Variants in GPHN observed in about 807,000 individuals in gnomAD.
GPHN encodes the protein gephyrin.
Under a neutral mutation model 95.5 loss-of-function variants are expected in GPHN, and 17 were observed. The ratio of observed to expected loss-of-function variants is 0.18; its 90% CI spans 0.12 to 0.27. The LOEUF (loss-of-function observed/expected upper bound fraction) is 0.27. Ranked by LOEUF, GPHN falls within the 10% of genes least tolerant of loss-of-function variation. The probability of loss-of-function intolerance (pLI) is 1.00; values close to 1 mark genes in which losing one functional copy is unlikely to be tolerated. For synonymous variants in GPHN, 320 were observed against 322.5 expected, an observed-to-expected ratio of 0.99 and a Z score of 0.08; for missense variants, 660 against 978.1, an observed-to-expected ratio of 0.67 and a Z score of 4.34.
At chr14:67,584,473 A>C in the GPHN span, among the ~76,000 whole-genome samples, 2 of 152,246 alleles carry the variant, frequency 1.3e-5, no homozygotes, top group African/African-American at 4.8e-5. Context: ...CTGGTTTGAC[A>C]TGGCATACAG....
chr14:67,090,526 C>G (rs1361083593), intron 12 of GPHN, among the ~76,000 whole-genome samples: 4 of 151,968 alleles, frequency 2.6e-5, no homozygotes, highest in Admixed American at 1.3e-4. Flanking sequence ...AGACTTGGGT[C>G]CCATCCACAA....
At chr14:67,691,186 C>G in the GPHN span, 1 of 1,614,062 alleles carries the variant, frequency 6.2e-7, no homozygotes, top group Non-Finnish European at 8.5e-7. Context: ...CTGCTGTCTT[C>G]GAGTACGGAC....
At chr14:67,286,294 T>C in the GPHN span, among the ~76,000 whole-genome samples, 2 of 152,194 alleles carry the variant, frequency 1.3e-5, no homozygotes, top group African/African-American at 4.8e-5. Flanking sequence ...TCTGTCCATG[T>C]GGTTCCTTCT....
At chr14:66,953,157 C>A (rs2068226359) in intron 8 of GPHN, among the ~76,000 whole-genome samples, 1 of 146,184 alleles carries the variant, frequency 6.8e-6, no homozygotes, top group African/African-American at 2.7e-5. Context: ...CACCTTTTGC[C>A]CATTTTCAAG....
At chr14:66,961,939 TATATATATAC>T (rs1279114357) in intron 8 of GPHN, among the ~76,000 whole-genome samples, 44 of 79,404 alleles carry the variant, frequency 5.5e-4, no homozygotes, top group African/African-American at 3.4e-3. Flanking sequence ...TATATATATA[TATATATATAC>T]ACATATCTCC....
chr14:66,686,016 T>C lies in GPHN; in HGVS notation c.143+4831T>C, dbSNP rs554104867. Reference sequence around the variant, plus strand: ...TATTAAATAGGGAATCCTTTCCCCATTGCTTGTTTTTGTCAGGTTTGTCAA... The same window carrying C: ...TATTAAATAGGGAATCCTTTCCCCACTGCTTGTTTTTGTCAGGTTTGTCAA... On this transcript the variant is annotated intron_variant, in intron 2 of 22. Transcript: ENST00000478722. Among the ~76,000 whole-genome samples the C allele has an allele frequency of 8.5e-5, 13 of 152,358 alleles. No homozygotes were observed. The South Asian group carries it at 2.5e-3, about 29-fold the overall frequency.
At chr14:67,095,542 A>G (rs894267407) in intron 12 of GPHN, among the ~76,000 whole-genome samples, 1 of 152,224 alleles carries the variant, frequency 6.6e-6, no homozygotes, top group Admixed American at 6.5e-5. Flanking sequence ...ATGTCCAACA[A>G]TGATAGACTG....
chr14:67,337,902 C>A, the GPHN span: 2 of 152,292 alleles, frequency 1.3e-5, no homozygotes, highest in African/African-American at 4.8e-5. Context: ...ATTAGTACCC[C>A]AAAATGCAAC....
At chr14:67,458,231 C>T in the GPHN span, among the ~76,000 whole-genome samples, 1 of 152,170 alleles carries the variant, frequency 6.6e-6, no homozygotes, top group African/African-American at 2.4e-5. Context: ...TGAGACTGCC[C>T]TATGGAAGAT....
the GPHN span, among the ~76,000 whole-genome samples, chr14:67,263,754 A>G: frequency 6.6e-6 from 1 of 152,228 alleles, no homozygotes; most frequent in African/African-American, 2.4e-5. Flanking sequence ...GTGAGAAGAT[A>G]TATAGGAAAC....
intron 1 of GPHN, among the ~76,000 whole-genome samples, chr14:66,621,811 G>A (rs1169786241): frequency 6.6e-6 from 1 of 152,072 alleles, no homozygotes; most frequent in African/African-American, 2.4e-5. Flanking sequence ...GGTTCTCATG[G>A]TCTGGGCAGC....
the GPHN span, among the ~76,000 whole-genome samples, chr14:67,732,567 A>G: frequency 2.6e-5 from 4 of 151,442 alleles, no homozygotes; most frequent in African/African-American, 9.7e-5. Context: ...ACAGAAAGCA[A>G]CTAAATGATA....
At chr14:67,402,066 G>A in the GPHN span, among the ~76,000 whole-genome samples, 1 of 152,174 alleles carries the variant, frequency 6.6e-6, no homozygotes, top group Non-Finnish European at 1.5e-5. Context: ...AGGAGGCGGA[G>A]TTTGCAGTGA....
chr14:67,649,339 T>G, the GPHN span: 3 of 152,088 alleles, frequency 2.0e-5, no homozygotes, highest in Non-Finnish European at 4.4e-5. Context: ...GTGGGCAACA[T>G]AGTGTGACCC....
chr14:67,151,833 G>T (rs2081304647), intron 18 of GPHN, among the ~76,000 whole-genome samples: 1 of 152,014 alleles, frequency 6.6e-6, no homozygotes, highest in South Asian at 2.1e-4. Flanking sequence ...TAGTAGAGAT[G>T]CTGTTTCACC....
At chr14:66,730,409 C>T (rs1211632853) in intron 2 of GPHN, among the ~76,000 whole-genome samples, 1 of 152,118 alleles carries the variant, frequency 6.6e-6, no homozygotes, top group Non-Finnish European at 1.5e-5. Context: ...TATATATCTT[C>T]TGACTTTTTT....
intron 1 of GPHN, among the ~76,000 whole-genome samples, chr14:66,672,595 G>T (rs962936136): frequency 4.6e-5 from 7 of 152,034 alleles, no homozygotes; most frequent in Admixed American, 3.3e-4. Flanking sequence ...CCGTTGTTAG[G>T]TGTATATATG....
At chr14:67,449,786 G>T in the GPHN span, among the ~76,000 whole-genome samples, 1 of 152,178 alleles carries the variant, frequency 6.6e-6, no homozygotes, top group African/African-American at 2.4e-5. Context: ...GGTCTCACGA[G>T]ATCTGATGGT....
intron 2 of GPHN, among the ~76,000 whole-genome samples, chr14:66,714,500 T>C (rs1162236341): frequency 6.6e-6 from 1 of 152,042 alleles, no homozygotes; most frequent in Non-Finnish European, 1.5e-5. Flanking sequence ...CTTTCTCTTG[T>C]CTGATTAATG....
Sources: gnomAD v4.1 joint callset for allele counts (sites outside exome capture counted in the v4.1 genomes callset) on GRCh38, gnomAD v4.1.1 for gene constraint, MANE v1.5 for transcripts, NCBI Gene and HGNC (gene_info 2026-07-23, HGNC 2026-07-21) for gene names.